ZNF362: variants seen among roughly 807,000 people sequenced by gnomAD.
ZNF362 encodes rotund homolog.
Under a neutral mutation model 42.9 loss-of-function variants are expected in ZNF362, and 11 were observed. The observed-to-expected ratio is 0.26, with a 90% CI of 0.16 to 0.42. The LOEUF is 0.42. Ranked by LOEUF, ZNF362 falls within the 20% of genes least tolerant of loss-of-function variation. The probability of loss-of-function intolerance (pLI) is 1.00; values close to 1 mark genes in which losing one functional copy is unlikely to be tolerated. For synonymous variants in ZNF362, 255 were observed against 257.3 expected (o/e 0.99, Z 0.09); for missense variants, 362 against 576.2 (o/e 0.63, Z 3.81).
the ZNF362 span, among the ~76,000 whole-genome samples, chr1:33,148,455 GA>G: frequency 2.0e-5 from 3 of 152,174 alleles, no homozygotes; most frequent in East Asian, 5.8e-4. Flanking sequence ...TGCTTTGTTG[GA>G]AAATACATCC....
At chr1:33,254,600 G>A (rs1466620256), upstream of ZNF362, among the ~76,000 whole-genome samples, 1 of 152,158 alleles carries the variant, frequency 6.6e-6, no homozygotes, top group Admixed American at 6.5e-5. Context: ...GACCACAAAG[G>A]TAAAGTGTCA....
the ZNF362 span, among the ~76,000 whole-genome samples, chr1:33,245,946 A>G: frequency 1.3e-5 from 2 of 151,878 alleles, no homozygotes; most frequent in Non-Finnish European, 2.9e-5. Flanking sequence ...TCTCAAACAG[A>G]GAGAGAGAGG....
chr1:33,289,002 C>T (rs1201320709), intron 6 of ZNF362, among the ~76,000 whole-genome samples: 2 of 152,112 alleles, frequency 1.3e-5, no homozygotes, highest in African/African-American at 4.8e-5. Flanking sequence ...CTGAGCCAGC[C>T]CCATGCTGGG....
chr1:33,215,040 G>T, the ZNF362 span, among the ~76,000 whole-genome samples: 1 of 152,158 alleles, frequency 6.6e-6, no homozygotes, highest in Admixed American at 6.5e-5. Flanking sequence ...AGATATCTGC[G>T]CTCCCATGTT....
At chr1:33,218,943 AC>A in the ZNF362 span, among the ~76,000 whole-genome samples, 4 of 133,132 alleles carry the variant, frequency 3.0e-5, no homozygotes, top group African/African-American at 1.1e-4. Flanking sequence ...ACACACACAC[AC>A]ACACACACAC....
chr1:33,194,812 A>G, the ZNF362 span: 3 of 152,110 alleles, frequency 2.0e-5, no homozygotes, highest in Non-Finnish European at 2.9e-5. Flanking sequence ...AATATGAAAG[A>G]TAAAAATCAT....
the ZNF362 span, among the ~76,000 whole-genome samples, chr1:33,197,156 G>A: frequency 6.6e-6 from 1 of 152,120 alleles, no homozygotes; most frequent in South Asian, 2.1e-4. Flanking sequence ...TGGATTCTGG[G>A]TCTTGCACCA....
At chr1:33,234,699 C>T in the ZNF362 span, among the ~76,000 whole-genome samples, 1 of 152,166 alleles carries the variant, frequency 6.6e-6, no homozygotes, top group Non-Finnish European at 1.5e-5. Flanking sequence ...CCTGACTTGT[C>T]CACTGGCTCC....
At chr1:33,236,414 C>T in the ZNF362 span, among the ~76,000 whole-genome samples, 3 of 148,900 alleles carry the variant, frequency 2.0e-5, no homozygotes, top group Non-Finnish European at 3.0e-5. Flanking sequence ...TGGTGGTGTG[C>T]ACCTACAGTC....
the ZNF362 span, among the ~76,000 whole-genome samples, chr1:33,182,701 A>C: frequency 2.0e-5 from 3 of 152,022 alleles, no homozygotes; most frequent in Non-Finnish European, 4.4e-5. Flanking sequence ...CTTGTGTGCC[A>C]GATGGAGAGG....
chr1:33,232,512 C>T, the ZNF362 span, among the ~76,000 whole-genome samples: 2 of 152,202 alleles, frequency 1.3e-5, no homozygotes, highest in Admixed American at 6.5e-5. Flanking sequence ...CTGCCTGCCT[C>T]AGCCTCCCAA....
chr1:33,154,699 G>A, the ZNF362 span, among the ~76,000 whole-genome samples: 1 of 151,648 alleles, frequency 6.6e-6, no homozygotes, highest in Non-Finnish European at 1.5e-5. Flanking sequence ...TTGGGAGGCC[G>A]AGGCAGGAAA....
chr1:33,294,820 G>C lies in ZNF362; in HGVS notation c.909-117G>C. 9.1e-7 allele frequency: 1 copy of C among 1,103,744 alleles called. No homozygotes were observed. Among genetic ancestry groups the C allele is most frequent in the Non-Finnish European group, 1.3e-6 (1 of 745,214 alleles). The allele number at this position is 1,103,744 out of a possible 1,614,324, so 68.4% of individuals were successfully genotyped here. On this transcript the variant is annotated intron_variant, in intron 6 of 8. Transcript: ENST00000539719. This position sits in a 1 kb window ranked among gnomAD's most constrained non-coding sequence, Gnocchi z 4.2. ...TGCCTGGGCTCACTCTTGGTCCTTG[G>C]GGAGCATGGGCAGGGTAGGGACCGA...
chr1:33,232,639 G>A, the ZNF362 span, among the ~76,000 whole-genome samples: 1 of 152,214 alleles, frequency 6.6e-6, no homozygotes, highest in Admixed American at 6.5e-5. Flanking sequence ...TTAGCATGAG[G>A]CAAGGCATTG....
chr1:33,271,615 A>G (rs1458110014), intron 2 of ZNF362, among the ~76,000 whole-genome samples: 1 of 152,090 alleles, frequency 6.6e-6, no homozygotes, highest in South Asian at 2.1e-4. Context: ...GTTGGAGAAG[A>G]GTGGGTGGGC....
At chr1:33,128,934 C>A in the ZNF362 span, among the ~76,000 whole-genome samples, 2 of 152,090 alleles carry the variant, frequency 1.3e-5, no homozygotes, top group African/African-American at 4.8e-5. Context: ...CACAGGGCAC[C>A]AAGGGAGGTC....
the ZNF362 span, among the ~76,000 whole-genome samples, chr1:33,189,664 T>TATACAC: frequency 2.7e-3 from 53 of 19,836 alleles, no homozygotes; most frequent in African/African-American, 5.4e-3. Flanking sequence ...TATATATATA[T>TATACAC]ATATATATGT....
At chr1:33,159,806 C>T in the ZNF362 span, 1 of 1,613,930 alleles carries the variant, frequency 6.2e-7, no homozygotes, top group Non-Finnish European at 8.5e-7. The surrounding 1 kb of genome is among the most constrained non-coding windows in gnomAD (Gnocchi z 4.2). Flanking sequence ...TAGCGCTGGA[C>T]TTTCTGCTCG....
At chr1:33,147,288 G>T in the ZNF362 span, 1 of 1,614,098 alleles carries the variant, frequency 6.2e-7, no homozygotes, top group Non-Finnish European at 8.5e-7. The surrounding 1 kb of genome is among the most constrained non-coding windows in gnomAD (Gnocchi z 8.1). Context: ...CGCGGAAGGT[G>T]TAGAGCCAGG....
Sources: gnomAD v4.1 joint callset for allele counts (sites outside exome capture counted in the v4.1 genomes callset) on GRCh38, gnomAD v4.1.1 for gene constraint, Gnocchi (gnomAD v3.1) non-coding constraint, MANE v1.5 for transcripts, NCBI Gene and HGNC (gene_info 2026-07-23, HGNC 2026-07-21) for gene names.